GRID2: variants seen among roughly 807,000 people sequenced by gnomAD.
GRID2 encodes glutamate ionotropic receptor delta type subunit 2.
Under a neutral mutation model 114.8 loss-of-function variants are expected in GRID2, and 33 were observed. The ratio of observed to expected loss-of-function variants is 0.29; its 90% CI spans 0.22 to 0.38. The LOEUF (loss-of-function observed/expected upper bound fraction) is 0.38. Among genes scored for constraint, GRID2 ranks in the 10% least tolerant of loss-of-function variants. GRID2 has a pLI of 1.00. For missense variants in GRID2, 1,184 were observed against 1,257.7 expected (o/e 0.94, Z 0.89); for synonymous variants, 505 against 449.9 (o/e 1.12, Z -1.55).
intron 2 of GRID2, among the ~76,000 whole-genome samples, chr4:92,723,255 T>A (rs893726071): frequency 6.6e-6 from 1 of 152,114 alleles, no homozygotes; most frequent in Non-Finnish European, 1.5e-5. Flanking sequence ...TAAGATGTTG[T>A]CTTAAAGTAG....
intron 1 of GRID2, among the ~76,000 whole-genome samples, chr4:92,412,245 T>C (rs562158220): frequency 6.6e-6 from 1 of 152,266 alleles, no homozygotes; most frequent in African/African-American, 2.4e-5. Context: ...CAGTTCCATA[T>C]TGACATAAAA....
intron 2 of GRID2, among the ~76,000 whole-genome samples, chr4:92,958,209 T>C (rs1362955570): frequency 6.6e-6 from 1 of 152,068 alleles, no homozygotes; most frequent in Non-Finnish European, 1.5e-5. Flanking sequence ...AGAGTTAACC[T>C]TGCCTACTTC....
At chr4:93,544,025 C>G (rs1260206830) in intron 13 of GRID2, among the ~76,000 whole-genome samples, 1 of 152,156 alleles carries the variant, frequency 6.6e-6, no homozygotes, top group African/African-American at 2.4e-5. Flanking sequence ...TTTTTGCACA[C>G]TCTCTATATT....
intron 2 of GRID2, among the ~76,000 whole-genome samples, chr4:92,673,721 A>G (rs1009512350): frequency 6.6e-6 from 1 of 152,078 alleles, no homozygotes; most frequent in Non-Finnish European, 1.5e-5. Flanking sequence ...ATTGTTCCTG[A>G]TAAGAAGACA....
intron 2 of GRID2, among the ~76,000 whole-genome samples, chr4:92,952,785 G>A (rs1439218414): frequency 6.6e-6 from 1 of 152,118 alleles, no homozygotes; most frequent in Non-Finnish European, 1.5e-5. Context: ...AGTAAAACCT[G>A]TAATTGAATG....
intron 11 of GRID2, among the ~76,000 whole-genome samples, chr4:93,467,419 T>C (rs1724395282): frequency 6.6e-6 from 1 of 152,202 alleles, no homozygotes; most frequent in Non-Finnish European, 1.5e-5. Context: ...TATATAAAGG[T>C]GATTCAAACT....
intron 8 of GRID2, among the ~76,000 whole-genome samples, chr4:93,357,149 T>A (rs1442722817): frequency 6.6e-6 from 1 of 151,690 alleles, no homozygotes; most frequent in African/African-American, 2.4e-5. Flanking sequence ...TATAACAATT[T>A]ACTCTCCCAC....
At chr4:92,699,840 T>A (rs1734586373) in intron 2 of GRID2, among the ~76,000 whole-genome samples, 1 of 152,144 alleles carries the variant, frequency 6.6e-6, no homozygotes, top group Non-Finnish European at 1.5e-5. Flanking sequence ...AAAATTCTGT[T>A]ATTTTTGGAT....
intron 14 of GRID2, among the ~76,000 whole-genome samples, chr4:93,761,083 A>T (rs913519821): frequency 6.6e-6 from 1 of 152,240 alleles, no homozygotes; most frequent in African/African-American, 2.4e-5. Context: ...CATTGTTCAT[A>T]TACAGTGCAT....
intron 8 of GRID2, chr4:93,258,814 T>C (rs1749916217): frequency 2.3e-6 from 1 of 432,412 alleles, no homozygotes; most frequent in South Asian, 1.6e-5. Flanking sequence ...ATTGATCTAT[T>C]CTTTCTATAA....
chr4:93,505,970 T>G (rs1728585682), intron 12 of GRID2, among the ~76,000 whole-genome samples: 1 of 152,156 alleles, frequency 6.6e-6, no homozygotes, highest in Non-Finnish European at 1.5e-5. Context: ...CACAGAGAGT[T>G]TAACAATCAT....
At chr4:93,273,565 T>C (rs1751735279) in intron 8 of GRID2, among the ~76,000 whole-genome samples, 1 of 151,958 alleles carries the variant, frequency 6.6e-6, no homozygotes, top group South Asian at 2.1e-4. Context: ...GAAAGAGGAA[T>C]TAAAGGCTAT....
chr4:92,395,749 T>A (rs1730463502), intron 1 of GRID2, among the ~76,000 whole-genome samples: 1 of 151,824 alleles, frequency 6.6e-6, no homozygotes. Flanking sequence ...TTTAAATATA[T>A]TCTTTCCATT....
chr4:92,883,761 T>C (rs1746179392), intron 2 of GRID2, among the ~76,000 whole-genome samples: 1 of 152,184 alleles, frequency 6.6e-6, no homozygotes, highest in Admixed American at 6.5e-5. Flanking sequence ...ACACTTGGTT[T>C]TGAACAGTGG....
intron 2 of GRID2, among the ~76,000 whole-genome samples, chr4:92,853,975 C>T (rs1488864276): frequency 6.6e-6 from 1 of 150,850 alleles, no homozygotes; most frequent in Non-Finnish European, 1.5e-5. Context: ...TGCACATGTA[C>T]CCCCATATCT....
chr4:93,001,356 T>G (rs183201326), intron 2 of GRID2, among the ~76,000 whole-genome samples: 1 of 151,766 alleles, frequency 6.6e-6, no homozygotes, highest in Admixed American at 6.6e-5. Context: ...TATATAAGCT[T>G]ATGATAGAAC....
At chr4:93,021,791 ATAT>A (rs1187920290) in intron 2 of GRID2, among the ~76,000 whole-genome samples, 2 of 146,330 alleles carry the variant, frequency 1.4e-5, no homozygotes, top group African/African-American at 2.5e-5. Context: ...TGTATATTAT[ATAT>A]TATTTTTATA....
intron 2 of GRID2, among the ~76,000 whole-genome samples, chr4:92,849,483 G>A (rs1743595325): frequency 6.6e-6 from 1 of 151,904 alleles, no homozygotes; most frequent in Non-Finnish European, 1.5e-5. Context: ...GGCATGACTT[G>A]GCTAAAATAT....
At chr4:92,787,419 G>A (rs1316854917) in intron 2 of GRID2, among the ~76,000 whole-genome samples, 2 of 151,726 alleles carry the variant, frequency 1.3e-5, no homozygotes, top group African/African-American at 4.8e-5. Flanking sequence ...GCTTCATGGA[G>A]ATGGTTACAT....
Sources: allele counts gnomAD v4.1 joint callset (sites outside exome capture counted in the v4.1 genomes callset), GRCh38; gene constraint gnomAD v4.1.1; transcripts MANE v1.5; gene names NCBI Gene and HGNC (gene_info 2026-07-23, HGNC 2026-07-21).